The following STXBP3 variants were observed in gnomAD, a reference collection of about 807,000 sequenced individuals.
STXBP3 encodes syntaxin binding protein 3.
Under a neutral mutation model 85.7 loss-of-function variants are expected in STXBP3, and 41 were observed. That is an observed-to-expected ratio of 0.48 (90% confidence interval 0.37 to 0.62). The LOEUF (loss-of-function observed/expected upper bound fraction) is 0.62. Among genes scored for constraint, STXBP3 ranks in the 20% least tolerant of loss-of-function variants. The pLI is 0.00. For missense variants in STXBP3, 563 were observed against 703.1 expected (o/e 0.80, Z 2.25); for synonymous variants, 229 against 231.7 (o/e 0.99, Z 0.10).
chr1:108,758,894 G>C (rs990654350), intron 5 of STXBP3, among the ~76,000 whole-genome samples: 1 of 152,204 alleles, frequency 6.6e-6, no homozygotes, highest in African/African-American at 2.4e-5. Flanking sequence ...GAGAGGGCTA[G>C]CCCTCAAATC....
chr1:108,773,831 G>C (rs908538610), intron 7 of STXBP3, among the ~76,000 whole-genome samples: 1 of 152,054 alleles, frequency 6.6e-6, no homozygotes, highest in Non-Finnish European at 1.5e-5. Flanking sequence ...CCTCAGCCAG[G>C]AATCTTTTTT....
chr1:108,748,720 T>C (rs1661844758), intron 1 of STXBP3, among the ~76,000 whole-genome samples: 1 of 151,852 alleles, frequency 6.6e-6, no homozygotes, highest in African/African-American at 2.4e-5. Flanking sequence ...TGGTCCCAGC[T>C]ACTCGGGAGG....
chr1:108,803,789 G>A (rs939458765), intron 17 of STXBP3, among the ~76,000 whole-genome samples: 4 of 152,098 alleles, frequency 2.6e-5, no homozygotes, highest in Admixed American at 6.5e-5. Flanking sequence ...CCTGGCCAGC[G>A]GTGGTAGTCT....
chr1:108,771,690 CTA>C lies in STXBP3; in HGVS notation c.439-967_439-966del, dbSNP rs543874976. Among the ~76,000 whole-genome samples the C allele has an allele frequency of 1.0e-3, 10 of 9,550 alleles. 2 individuals are homozygous for C. The highest frequency in any genetic ancestry group is 2.6e-3 in the African/African-American group (6 of 2,282). 6.3% of individuals were successfully genotyped at this position (9,550 alleles called of 152,430 possible). A position where few individuals can be genotyped will look rare whatever the true frequency, so the allele number is the denominator to read the frequency against. On this transcript the variant is annotated intron_variant, in intron 6 of 18. Coordinates refer to ENST00000370008, the MANE Select transcript of STXBP3 (RefSeq NM_007269.4). ...ATATATAAATATATATGATATCTAT[CTA>C]TATATATCATATATAAATATATATG...
intron 17 of STXBP3, among the ~76,000 whole-genome samples, chr1:108,802,406 A>T (rs1020509277): frequency 6.6e-6 from 1 of 151,966 alleles, no homozygotes; most frequent in Non-Finnish European, 1.5e-5. Context: ...CAAATTAATT[A>T]ATTAATTAAT....
At chr1:108,792,784 G>A (rs1570770073) in intron 11 of STXBP3, among the ~76,000 whole-genome samples, 1 of 152,178 alleles carries the variant, frequency 6.6e-6, no homozygotes, top group South Asian at 2.1e-4. Flanking sequence ...AAGTTGCTGA[G>A]GAATAATCGT....
chr1:108,770,625 G>A (rs1767021), intron 6 of STXBP3, among the ~76,000 whole-genome samples: 107,181 of 152,040 alleles, frequency 0.7, 38,768 homozygotes, highest in Non-Finnish European at 0.77. Context: ...CGAGAAGTTT[G>A]TTCATAATTC....
chr1:108,771,588 A>G lies in STXBP3; in HGVS notation c.439-1077A>G, dbSNP rs1252723862. Among the ~76,000 whole-genome samples the G allele has an allele frequency of 8.0e-5, 6 of 75,326 alleles. 1 individual carries two copies. Among genetic ancestry groups the G allele is most frequent in the Non-Finnish European group, 1.4e-4 (6 of 43,056 alleles). 49.4% of individuals were successfully genotyped at this position (75,326 alleles called of 152,430 possible). A position where few individuals can be genotyped will look rare whatever the true frequency, so the allele number is the denominator to read the frequency against. ...ATAAATATATATGATATATATCTAT[A>G]TATATCATATATAAATATATATGAT... On this transcript the variant is annotated intron_variant, in intron 6 of 18. Coordinates refer to ENST00000370008, the MANE Select transcript of STXBP3 (RefSeq NM_007269.4).
chr1:108,779,941 C>T (rs554238676), intron 9 of STXBP3: 4 of 152,144 alleles, frequency 2.6e-5, no homozygotes, highest in South Asian at 2.1e-4. Flanking sequence ...AAAGTAATGT[C>T]AAATAAAAAC....
intron 11 of STXBP3, among the ~76,000 whole-genome samples, chr1:108,789,991 C>CA (rs35345273): frequency 0.68 from 82,629 of 121,022 alleles, 26,591 homozygotes; most frequent in Non-Finnish European, 0.73. Flanking sequence ...GACTCTGTCT[C>CA]AAAAAAAAAA....
chr1:108,778,950 A>G (rs908008836), intron 8 of STXBP3, among the ~76,000 whole-genome samples: 5 of 152,142 alleles, frequency 3.3e-5, no homozygotes, highest in Admixed American at 2.6e-4. Flanking sequence ...TGTATTTTCT[A>G]TCTGTTATTT....
chr1:108,794,439 T>C (rs1149159), intron 12 of STXBP3, among the ~76,000 whole-genome samples: 44,890 of 152,110 alleles, frequency 0.3, 7,617 homozygotes, highest in East Asian at 0.77. Flanking sequence ...TTCACAAAGC[T>C]ACAGGAGGGA....
rs1406766215 is a variant in STXBP3 at position 108,771,986 on chromosome 1, CTG to C, written c.439-677_439-676del. Among the ~76,000 whole-genome samples the C allele has an allele frequency of 3.7e-4, 2 of 5,426 alleles. 1 individual carries two copies. 3.6% of individuals were successfully genotyped at this position (5,426 alleles called of 152,430 possible). A position where few individuals can be genotyped will look rare whatever the true frequency, so the allele number is the denominator to read the frequency against. Reference sequence around the variant, plus strand: ...TATCATATATAAATACATATGATATCTGTATCATATATAAATACATATGATAT... The same window carrying C: ...TATCATATATAAATACATATGATATCTATCATATATAAATACATATGATAT... On this transcript the variant is annotated intron_variant, in intron 6 of 18. Coordinates refer to ENST00000370008, the MANE Select transcript of STXBP3 (RefSeq NM_007269.4).
intron 6 of STXBP3, among the ~76,000 whole-genome samples, chr1:108,761,653 A>G (rs1234289196): frequency 6.6e-6 from 1 of 152,020 alleles, no homozygotes; most frequent in Non-Finnish European, 1.5e-5. Flanking sequence ...TTTTCTTTTA[A>G]TTTACTTACT....
rs1662067317 is a variant in STXBP3 at position 108,758,595 on chromosome 1, C to G, written c.337+7C>G. On this transcript the variant is annotated splice_region_variant and intron_variant, in intron 5 of 18. Transcript: ENST00000370008. ...TATATTTACTTCACTGACTGTAAGT[C>G]TTTTAAAAAGTTATTGCTTCATTGT... 6.9e-7 allele frequency: 1 copy of G among 1,453,882 alleles called. No individual in the cohort carries two copies. The highest frequency in any genetic ancestry group is 1.5e-5 in the South Asian group (1 of 66,604). The allele number at this position is 1,453,882 out of a possible 1,614,324, so 90.1% of individuals were successfully genotyped here.
chr1:108,803,567 C>A (rs1188529198), intron 17 of STXBP3, among the ~76,000 whole-genome samples: 1 of 152,186 alleles, frequency 6.6e-6, no homozygotes, highest in Non-Finnish European at 1.5e-5. Context: ...CGGCTCACTA[C>A]AACCTGTGCC....
At chr1:108,764,644 A>T (rs1182483928) in intron 6 of STXBP3, among the ~76,000 whole-genome samples, 1 of 152,162 alleles carries the variant, frequency 6.6e-6, no homozygotes, top group Non-Finnish European at 1.5e-5. Context: ...TTCTTTAATG[A>T]TCAGTGATTT....
Position 108,758,539 on chromosome 1 carries a change from A to G in STXBP3, c.288A>G (p.Ala96=). 6.5e-7 allele frequency: 1 copy of G among 1,545,324 alleles called. No homozygotes were observed. The change falls in exon 5 of 19, where the codon GCA becomes GCG. Residue 96 remains alanine (A), a synonymous_variant. Transcript: ENST00000370008. The stretch of plus-strand genomic sequence containing the variant: ...TAGATTGTTTCTTACATGATTTTGC[A>G]AGTAAATCGGAGAACAAGTATAAAG... ...KSVDCFLHDF[A]SKSENKYKAA...
At position 108,748,521 on chromosome 1, in the gene STXBP3, C is replaced by CTAAA. The variant is rs1437473852; in HGVS notation, c.49+1750_49+1753dup. ...TGGGTGACAGAGCAAGACCCTGAGTCTAAATAAATAAATAAATAGCTAGCG... is the reference window on the plus strand; with the variant it reads ...TGGGTGACAGAGCAAGACCCTGAGTCTAAATAAATAAATAAATAAATAGCTAGCG... On this transcript the variant is annotated intron_variant, in intron 1 of 18. Coordinates refer to ENST00000370008, the MANE Select transcript of STXBP3 (RefSeq NM_007269.4). Among the ~76,000 whole-genome samples the CTAAA allele has an allele frequency of 4.0e-5, 6 of 151,762 alleles. No homozygotes were observed. The East Asian group carries it at 7.8e-4, about 20-fold the overall frequency.
Sources: gnomAD v4.1 joint callset for allele counts (sites outside exome capture counted in the v4.1 genomes callset) on GRCh38, gnomAD v4.1.1 for gene constraint, MANE v1.5 for transcripts, NCBI Gene and HGNC (gene_info 2026-07-23, HGNC 2026-07-21) for gene names.